TRDN: variants seen among roughly 807,000 people sequenced by gnomAD.
The protein encoded by TRDN is triadin.
A neutral mutation model predicts 149.7 loss-of-function variants in TRDN; 161 were observed. The ratio of observed to expected loss-of-function variants is 1.08; its 90% CI spans 0.95 to 1.23. The LOEUF is 1.23. Among genes scored for constraint, TRDN ranks in the 50% most tolerant of loss-of-function variants. The pLI is 0.00. For synonymous variants in TRDN, 294 were observed against 250.5 expected, an observed-to-expected ratio of 1.17 and a Z score of -1.64; for missense variants, 896 against 823.5, an observed-to-expected ratio of 1.09 and a Z score of -1.08.
At chr6:123,619,937 T>C (rs1334917867) in intron 1 of TRDN, among the ~76,000 whole-genome samples, 1 of 152,100 alleles carries the variant, frequency 6.6e-6, no homozygotes, top group African/African-American at 2.4e-5. Context: ...TGTGCACATG[T>C]TGGGCTCTTG....
chr6:123,411,196 G>A (rs1005890258), intron 12 of TRDN, among the ~76,000 whole-genome samples: 10 of 151,552 alleles, frequency 6.6e-5, no homozygotes, highest in Non-Finnish European at 1.2e-4. Flanking sequence ...ACAGGTGCCC[G>A]CCACCACGCC....
At chr6:123,629,474 GCTGT>G (rs1785858984) in intron 1 of TRDN, among the ~76,000 whole-genome samples, 3 of 152,120 alleles carry the variant, frequency 2.0e-5, no homozygotes, top group South Asian at 4.1e-4. Context: ...CCAGCTTCAT[GCTGT>G]CTAAATGAAA....
At chr6:123,512,209 A>G in intron 7 of TRDN, 94 bp downstream of exon 7, 1 of 701,186 alleles carries the variant, frequency 1.4e-6, no homozygotes, top group Non-Finnish European at 2.3e-6. Flanking sequence ...TATAAATGAT[A>G]AAAGTTTACA....
chr6:123,429,030 T>A (rs1235106809), intron 12 of TRDN: 1 of 152,090 alleles, frequency 6.6e-6, no homozygotes, highest in Non-Finnish European at 1.5e-5. Flanking sequence ...TTCCTACATG[T>A]TTACCACTGT....
chr6:123,553,426 GCAA>G (rs1781494436), intron 2 of TRDN, among the ~76,000 whole-genome samples: 1 of 151,590 alleles, frequency 6.6e-6, no homozygotes, highest in African/African-American at 2.4e-5. Flanking sequence ...CCACAGGAAG[GCAA>G]GAAAACAGGG....
At chr6:123,495,753 G>T (rs1399170477) in intron 9 of TRDN, among the ~76,000 whole-genome samples, 1 of 151,884 alleles carries the variant, frequency 6.6e-6, no homozygotes, top group African/African-American at 2.4e-5. Context: ...GGCAGGCAGT[G>T]GTGAAATGAA....
At chr6:123,561,963 G>A (rs1013038232) in intron 2 of TRDN, among the ~76,000 whole-genome samples, 1 of 152,066 alleles carries the variant, frequency 6.6e-6, no homozygotes, top group Admixed American at 6.5e-5. Flanking sequence ...CCCAAGCTAA[G>A]CCATCATATC....
At chr6:123,501,659 A>T (rs1343516272) in intron 8 of TRDN, among the ~76,000 whole-genome samples, 1 of 152,130 alleles carries the variant, frequency 6.6e-6, no homozygotes, top group African/African-American at 2.4e-5. Context: ...ACATTTATAT[A>T]ATTGATGGCA....
intron 38 of TRDN, among the ~76,000 whole-genome samples, chr6:123,224,586 C>T (rs551494466): frequency 6.6e-6 from 1 of 151,812 alleles, no homozygotes; most frequent in East Asian, 1.9e-4. Flanking sequence ...TTCTAAAAAG[C>T]CCAGAAATAA....
At chr6:123,523,444 G>A (rs376496254) in intron 5 of TRDN, among the ~76,000 whole-genome samples, 3 of 152,106 alleles carry the variant, frequency 2.0e-5, no homozygotes, top group African/African-American at 7.2e-5. Flanking sequence ...AAGCTGGAAC[G>A]CTGTAGGGGT....
intron 1 of TRDN, among the ~76,000 whole-genome samples, chr6:123,587,299 C>G (rs1168004420): frequency 6.6e-6 from 1 of 152,068 alleles, no homozygotes; most frequent in African/African-American, 2.4e-5. Flanking sequence ...TGACTGGCGC[C>G]AGAGTTTTGG....
chr6:123,592,109 C>T (rs190891767), intron 1 of TRDN, among the ~76,000 whole-genome samples: 1 of 152,152 alleles, frequency 6.6e-6, no homozygotes, highest in Admixed American at 6.5e-5. Flanking sequence ...CCAAATAGAC[C>T]TAAGATGGGG....
chr6:123,564,195 C>A (rs1782155429), intron 2 of TRDN, among the ~76,000 whole-genome samples: 1 of 152,114 alleles, frequency 6.6e-6, no homozygotes, highest in Non-Finnish European at 1.5e-5. Context: ...TAAAATGCAT[C>A]TTTTTAGGTG....
intron 12 of TRDN, among the ~76,000 whole-genome samples, chr6:123,420,748 A>G (rs1269588416): frequency 1.3e-5 from 2 of 152,346 alleles, no homozygotes; most frequent in Admixed American, 1.3e-4. Flanking sequence ...ACTAGGTGCT[A>G]GATACTCAGT....
At chr6:123,521,938 A>G (rs6929965) in intron 5 of TRDN, among the ~76,000 whole-genome samples, 128,545 of 152,156 alleles carry the variant, frequency 0.84, 54,407 homozygotes, top group East Asian at 0.89. Context: ...CTTATTCATC[A>G]TGGAATTTGT....
At chr6:123,391,578 G>A (rs1772471991) in intron 13 of TRDN, among the ~76,000 whole-genome samples, 1 of 151,658 alleles carries the variant, frequency 6.6e-6, no homozygotes, top group South Asian at 2.1e-4. Flanking sequence ...TATTTATTTT[G>A]TTGCCTCCTC....
rs558869618 is a variant in TRDN at position 123,284,599 on chromosome 6, T to C, written c.1511-5517A>G. ...AGTTGAAAGCATTCCCTCTGAAAAC[T>C]AGAACAGGACAAGGATGCCCACTCC... On this transcript the variant is annotated intron_variant, in intron 24 of 40. Coordinates refer to ENST00000334268, the MANE Select transcript of TRDN (RefSeq NM_006073.4). 4.9e-4 allele frequency among the ~76,000 whole-genome samples: 75 copies of C among 152,098 alleles called. 1 individual carries two copies. In the South Asian group the frequency reaches 0.015, roughly 30 times the overall value.
intron 24 of TRDN, among the ~76,000 whole-genome samples, chr6:123,279,876 T>TTTCAA (rs1222947691): frequency 6.6e-6 from 1 of 152,160 alleles, no homozygotes; most frequent in Non-Finnish European, 1.5e-5. Context: ...ACTATCCTAG[T>TTTCAA]AACTTTTTCT....
chr6:123,599,960 T>C (rs1158477822), intron 1 of TRDN, among the ~76,000 whole-genome samples: 3 of 151,954 alleles, frequency 2.0e-5, no homozygotes, highest in Non-Finnish European at 4.4e-5. Context: ...TATTGGCATA[T>C]TATATTGCAA....
Sources: allele counts gnomAD v4.1 joint callset (sites outside exome capture counted in the v4.1 genomes callset), GRCh38; gene constraint gnomAD v4.1.1; transcripts MANE v1.5; gene names NCBI Gene and HGNC (gene_info 2026-07-23, HGNC 2026-07-21).